Variants in EYS observed in about 807,000 individuals in gnomAD.
The protein encoded by EYS is protein eyes shut homolog.
EYS carries 250 observed loss-of-function variants against 282.1 expected under a neutral mutation model. The ratio of observed to expected loss-of-function variants is 0.89; its 90% CI spans 0.80 to 0.98. The LOEUF (loss-of-function observed/expected upper bound fraction) is 0.98. Among genes scored for constraint, EYS ranks in the 50% least tolerant of loss-of-function variants. EYS has a pLI of 0.00. For missense variants in EYS, 4,016 were observed against 3,709.0 expected (o/e 1.08, Z -2.15); for synonymous variants, 1,355 against 1,282.9 (o/e 1.06, Z -1.20).
At chr6:65,012,073 T>C (rs2150133765) in intron 13 of EYS, among the ~76,000 whole-genome samples, 1 of 152,356 alleles carries the variant, frequency 6.6e-6, no homozygotes, top group Non-Finnish European at 1.5e-5. Context: ...TTTGTTGCTA[T>C]TCTCAAAACA....
intron 15 of EYS, among the ~76,000 whole-genome samples, chr6:64,922,967 G>A (rs1768397251): frequency 6.6e-6 from 1 of 152,082 alleles, no homozygotes. Flanking sequence ...GTATTACTAT[G>A]CTGATTTTTT....
At chr6:64,172,284 T>G (rs181258769) in intron 31 of EYS, among the ~76,000 whole-genome samples, 164 of 152,138 alleles carry the variant, frequency 1.1e-3, no homozygotes, top group African/African-American at 3.8e-3. Context: ...CAAAATACAG[T>G]ATACATAATT....
intron 2 of EYS, among the ~76,000 whole-genome samples, chr6:65,552,436 C>T (rs1768628920): frequency 6.6e-6 from 1 of 152,018 alleles, no homozygotes; most frequent in African/African-American, 2.4e-5. Context: ...TTATACTTAA[C>T]ATGAAAATGA....
At chr6:64,655,654 T>C (rs1768718617) in intron 22 of EYS, among the ~76,000 whole-genome samples, 1 of 152,040 alleles carries the variant, frequency 6.6e-6, no homozygotes, top group African/African-American at 2.4e-5. Context: ...CATAACCTGT[T>C]CTGAACAAAT....
At position 63,984,616 on chromosome 6, in the gene EYS, T is replaced by A. The variant is rs1409890507; in HGVS notation, c.6835-13A>T. 6.6e-7 allele frequency: 1 copy of A among 1,511,108 alleles called. No individual in the cohort carries two copies. Among genetic ancestry groups the A allele is most frequent in the African/African-American group, 1.4e-5 (1 of 71,818 alleles). The allele number at this position is 1,511,108 out of a possible 1,614,324, so 93.6% of individuals were successfully genotyped here. ...ATTCAAAATATGCCTGTAGAAAAAG[T>A]AACAACAAAAAATATTATAGGTTGT... On this transcript the variant is annotated splice_polypyrimidine_tract_variant and intron_variant, in intron 34 of 42. Transcript: ENST00000503581.
chr6:64,814,055 C>A (rs7772364), intron 21 of EYS, among the ~76,000 whole-genome samples: 9,311 of 152,040 alleles, frequency 0.061, 417 homozygotes, highest in Middle Eastern at 0.099. Flanking sequence ...TTTCACAATG[C>A]ATTTATATCC....
At chr6:64,903,103 CATG>C (rs1767716907) in intron 16 of EYS, among the ~76,000 whole-genome samples, 1 of 151,932 alleles carries the variant, frequency 6.6e-6, no homozygotes. Flanking sequence ...AAAAAACCTG[CATG>C]ATATCACTTT....
Position 63,720,044 on chromosome 6 carries a change from C to G in EYS, c.*552G>C, listed in dbSNP as rs1185384897. 1 of 152,556 alleles carries G rather than the reference C, an allele frequency of 6.6e-6. No homozygotes were observed. The highest frequency in any genetic ancestry group is 1.5e-5 in the Non-Finnish European group (1 of 68,338). 9.5% of individuals were successfully genotyped at this position (152,556 alleles called of 1,614,324 possible). The stretch of plus-strand genomic sequence containing the variant: ...TCCTCTCACCTTCTCTTTCTACATT[C>G]ATGCAATAATTTTTGGTTTAAATCT... On this transcript the variant is annotated 3_prime_UTR_variant, in exon 43 of 43. Coordinates refer to ENST00000503581, the MANE Select transcript of EYS (RefSeq NM_001142800.2).
At chr6:63,757,203 A>G (rs35734316) in intron 41 of EYS, among the ~76,000 whole-genome samples, 8,067 of 152,060 alleles carry the variant, frequency 0.053, 272 homozygotes, top group Non-Finnish European at 0.083. Context: ...AGACCCTGGG[A>G]AAGGCACGCA....
chr6:64,863,213 C>CTAT (rs1161020426), intron 19 of EYS, among the ~76,000 whole-genome samples: 2 of 152,134 alleles, frequency 1.3e-5, no homozygotes, highest in African/African-American at 4.8e-5. Flanking sequence ...ATGCATTGTA[C>CTAT]TATTACTTTC....
chr6:64,140,935 AT>A (rs942127482), intron 31 of EYS, among the ~76,000 whole-genome samples: 1 of 152,202 alleles, frequency 6.6e-6, no homozygotes, highest in Non-Finnish European at 1.5e-5. Context: ...AATCAAAAAA[AT>A]TATCAACAAC....
chr6:64,889,869 C>A (rs1330365543), intron 18 of EYS, among the ~76,000 whole-genome samples: 3 of 151,990 alleles, frequency 2.0e-5, no homozygotes, highest in African/African-American at 7.2e-5. Flanking sequence ...ATAACAGCAA[C>A]TGTTCAGGGA....
intron 22 of EYS, among the ~76,000 whole-genome samples, chr6:64,667,318 C>A (rs1769268510): frequency 6.6e-6 from 1 of 151,748 alleles, no homozygotes; most frequent in South Asian, 2.1e-4. Context: ...ATACATGGAG[C>A]CTTCCCCTGA....
At chr6:64,177,594 A>C (rs1315885906) in intron 31 of EYS, among the ~76,000 whole-genome samples, 1 of 152,080 alleles carries the variant, frequency 6.6e-6, no homozygotes, top group Non-Finnish European at 1.5e-5. Context: ...AATCACCTAG[A>C]TAATTTTTGG....
Position 64,365,721 on chromosome 6 carries a change from A to G in EYS, c.6078+22969T>C, listed in dbSNP as rs758213569. 5.3e-5 allele frequency among the ~76,000 whole-genome samples: 8 copies of G among 152,198 alleles called. 1 individual carries two copies. The South Asian group carries it at 1.7e-3, about 32-fold the overall frequency. ...TGATAAAGTTTAATTTATAAATTAG[A>G]CACAATAAAATATTAATAACAATAG... is the stretch of plus-strand genomic sequence containing the variant. On this transcript the variant is annotated intron_variant, in intron 29 of 42. Transcript: ENST00000503581.
At chr6:65,429,599 G>T (rs1279691426) in intron 5 of EYS, among the ~76,000 whole-genome samples, 1 of 152,046 alleles carries the variant, frequency 6.6e-6, no homozygotes, top group Non-Finnish European at 1.5e-5. Context: ...AACCCAATTT[G>T]CTAATTTATG....
At position 65,083,776 on chromosome 6, in the gene EYS, T is replaced by C. The variant is rs1774289155; in HGVS notation, c.2024-26049A>G. 2.6e-5 allele frequency among the ~76,000 whole-genome samples: 4 copies of C among 151,920 alleles called. No individual in the cohort carries two copies. In the South Asian group the frequency reaches 8.3e-4, roughly 32 times the overall value. ...TCTAAGTATGCTTTCTATTAGAGTT[T>C]TAATTAAAATCACTTTCATAATATA... On this transcript the variant is annotated intron_variant, in intron 12 of 42. Coordinates refer to ENST00000503581, the MANE Select transcript of EYS (RefSeq NM_001142800.2).
At chr6:64,439,993 A>ATT (rs141869656) in intron 26 of EYS, among the ~76,000 whole-genome samples, 68 of 150,062 alleles carry the variant, frequency 4.5e-4, no homozygotes, top group East Asian at 9.8e-4. Flanking sequence ...TTATTAAATC[A>ATT]TTTTTTTTTG....
intron 22 of EYS, among the ~76,000 whole-genome samples, chr6:64,741,595 A>T (rs1250084218): frequency 1.3e-5 from 2 of 152,192 alleles, no homozygotes; most frequent in African/African-American, 4.8e-5. Context: ...TTTTATCTAC[A>T]TTGCAAATCT....
Sources: allele counts gnomAD v4.1 joint callset (sites outside exome capture counted in the v4.1 genomes callset), GRCh38; gene constraint gnomAD v4.1.1; transcripts MANE v1.5; gene names NCBI Gene and HGNC (gene_info 2026-07-23, HGNC 2026-07-21).